The following MYRIP variants were observed in gnomAD, a reference collection of about 807,000 sequenced individuals.
The protein encoded by MYRIP is rab effector MyRIP.
Under a neutral mutation model 98.0 loss-of-function variants are expected in MYRIP, and 49 were observed. That is an observed-to-expected ratio of 0.50 (90% CI 0.40 to 0.63). The LOEUF is 0.63. MYRIP is among the 30% of genes least tolerant of loss of function. The pLI, the probability that MYRIP is intolerant of heterozygous loss-of-function variation, is 0.00. For missense variants in MYRIP, 1,004 were observed against 1,058.2 expected (o/e 0.95, Z 0.71); for synonymous variants, 404 against 409.5 (o/e 0.99, Z 0.16).
rs558245538 is a variant in MYRIP at position 40,116,475 on chromosome 3, T to C, written c.333-34573T>C. Among the ~76,000 whole-genome samples the C allele has an allele frequency of 3.9e-5, 6 of 152,342 alleles. No homozygotes were observed. In the East Asian group the frequency reaches 1.2e-3, roughly 29 times the overall value. On this transcript the variant is annotated intron_variant, in intron 3 of 16. Transcript: ENST00000302541. The stretch of plus-strand genomic sequence containing the variant: ...ATTTATGTATTTGTTTATCTCTCTT[T>C]CATTTTCCCTTGTCCCTGAGAGTAG...
chr3:40,174,665 TA>T (rs140793347), intron 8 of MYRIP: 11,375 of 152,252 alleles, frequency 0.075, 851 homozygotes, highest in African/African-American at 0.18. Context: ...ACAAGTCTAT[TA>T]GTGGGGTTTT....
At chr3:39,991,702 C>T (rs1188165033) in intron 2 of MYRIP, among the ~76,000 whole-genome samples, 1 of 152,224 alleles carries the variant, frequency 6.6e-6, no homozygotes, top group Non-Finnish European at 1.5e-5. Flanking sequence ...CACCTTCTCA[C>T]TCTGACCACC....
At chr3:40,227,242 T>C (rs531446992) in intron 11 of MYRIP, among the ~76,000 whole-genome samples, 1 of 152,318 alleles carries the variant, frequency 6.6e-6, no homozygotes, top group South Asian at 2.1e-4. Flanking sequence ...TTGATGATGT[T>C]TGAGGGCCTG....
chr3:40,058,330 T>C (rs1280350131), intron 3 of MYRIP, among the ~76,000 whole-genome samples: 1 of 152,208 alleles, frequency 6.6e-6, no homozygotes, highest in African/African-American at 2.4e-5. Flanking sequence ...TGTGTATTAC[T>C]TTAAGTTTTG....
chr3:40,137,952 T>A (rs1188993653), intron 3 of MYRIP, among the ~76,000 whole-genome samples: 2 of 152,204 alleles, frequency 1.3e-5, no homozygotes, highest in Non-Finnish European at 2.9e-5. Context: ...TGGTCATACA[T>A]CTATGTCATA....
intron 1 of MYRIP, among the ~76,000 whole-genome samples, chr3:39,873,639 A>C (rs1008400325): frequency 1.3e-5 from 2 of 152,154 alleles, no homozygotes; most frequent in Non-Finnish European, 1.5e-5. Context: ...GTCAAAGATC[A>C]GATAGTTGTA....
chr3:40,006,017 G>T (rs1032674725), intron 2 of MYRIP, among the ~76,000 whole-genome samples: 2 of 152,110 alleles, frequency 1.3e-5, no homozygotes, highest in African/African-American at 2.4e-5. Context: ...GTTAATATTG[G>T]TACAAGGAGC....
chr3:39,998,952 G>A (rs539247486), intron 2 of MYRIP, among the ~76,000 whole-genome samples: 1 of 152,174 alleles, frequency 6.6e-6, no homozygotes, highest in Admixed American at 6.5e-5. Flanking sequence ...AATAAATGGG[G>A]CTGGGAAAAC....
chr3:39,959,767 A>G (rs1189761858), intron 2 of MYRIP, among the ~76,000 whole-genome samples: 1 of 152,168 alleles, frequency 6.6e-6, no homozygotes, highest in East Asian at 1.9e-4. Context: ...AGTTTTAAGT[A>G]TCAATTCAAT....
At chr3:39,917,041 A>C (rs949144890) in intron 2 of MYRIP, among the ~76,000 whole-genome samples, 2 of 152,192 alleles carry the variant, frequency 1.3e-5, no homozygotes, top group South Asian at 4.1e-4. Flanking sequence ...GCAATTGACT[A>C]AGTAACTGGT....
intron 3 of MYRIP, among the ~76,000 whole-genome samples, chr3:40,120,300 T>G (rs1949374302): frequency 1.3e-5 from 2 of 152,352 alleles, no homozygotes; most frequent in South Asian, 2.1e-4. Flanking sequence ...TCAGATCATC[T>G]TCTTGTTCCA....
At chr3:40,175,223 G>A (rs567117997) in intron 8 of MYRIP, among the ~76,000 whole-genome samples, 9 of 152,314 alleles carry the variant, frequency 5.9e-5, no homozygotes, top group African/African-American at 2.2e-4. Flanking sequence ...ATTGAGTCTT[G>A]ATTCGTTGGA....
At chr3:40,257,268 G>A (rs1953625570) in intron 16 of MYRIP, among the ~76,000 whole-genome samples, 1 of 152,184 alleles carries the variant, frequency 6.6e-6, no homozygotes, top group Non-Finnish European at 1.5e-5. Context: ...GTTGCAGTGA[G>A]CTATGATTGC....
chr3:39,948,382 T>A (rs1559532725), intron 2 of MYRIP, among the ~76,000 whole-genome samples: 1 of 152,104 alleles, frequency 6.6e-6, no homozygotes, highest in Non-Finnish European at 1.5e-5. Flanking sequence ...GAACCAGGAC[T>A]GTAAAATATA....
In MYRIP at chr3:40,250,119, T is replaced by A. The variant is rs1296474019; in HGVS notation, c.2263-103T>A. The A allele has an allele frequency of 6.8e-6, 6 of 876,164 alleles. No homozygotes were observed. The South Asian group carries it at 9.5e-5, about 14-fold the overall frequency. The allele number at this position is 876,164 out of a possible 1,614,324, so 54.3% of individuals were successfully genotyped here. A position where few individuals can be genotyped will look rare whatever the true frequency, so the allele number is the denominator to read the frequency against. Reference sequence around the variant, plus strand: ...GAATGAATGAATGAATGAATGAGCATACATCAAAGCAGATTTGTCTTTATA... The same window carrying A: ...GAATGAATGAATGAATGAATGAGCAAACATCAAAGCAGATTTGTCTTTATA... On this transcript the variant is annotated intron_variant, in intron 13 of 16. Transcript: ENST00000302541.
In MYRIP at chr3:40,212,250, A is replaced by G. The variant is rs1277982036; in HGVS notation, c.1905+2157A>G. 2.6e-5 allele frequency among the ~76,000 whole-genome samples: 3 copies of G among 114,818 alleles called. 1 individual carries two copies. The highest frequency in any genetic ancestry group is 6.1e-5 in the Non-Finnish European group (3 of 49,428). 75.3% of individuals were successfully genotyped at this position (114,818 alleles called of 152,430 possible). On this transcript the variant is annotated intron_variant, in intron 11 of 16. Transcript: ENST00000302541. ...TACACACACACACACACACACATATATATATATACACGTATATATATAGAG... is the reference window on the plus strand; with the variant it reads ...TACACACACACACACACACACATATGTATATATACACGTATATATATAGAG...
At chr3:40,243,550 G>A (rs560010882) in intron 12 of MYRIP, among the ~76,000 whole-genome samples, 1 of 152,222 alleles carries the variant, frequency 6.6e-6, no homozygotes, top group South Asian at 2.1e-4. Flanking sequence ...GTGATTACAG[G>A]TTTAGGATTT....
intron 2 of MYRIP, among the ~76,000 whole-genome samples, chr3:39,998,969 G>A (rs556467995): frequency 6.6e-6 from 1 of 152,322 alleles, no homozygotes; most frequent in South Asian, 2.1e-4. Context: ...AAACTGGCTA[G>A]CCACATGTAG....
rs551237929 is a variant in MYRIP at position 39,830,045 on chromosome 3, C to T, written c.-31+20129C>T. Among the ~76,000 whole-genome samples, 13 of 152,294 alleles carry T rather than the reference C, an allele frequency of 8.5e-5. No individual in the cohort carries two copies. In the South Asian group the frequency reaches 2.7e-3, roughly 32 times the overall value. On this transcript the variant is annotated intron_variant, in intron 1 of 16. Transcript: ENST00000302541. ...GTTTCCTGCTTATGTTCTCTGACAA[C>T]CAATCTTCAATTTCTAACCCTCTCT...
Sources: allele counts gnomAD v4.1 joint callset (sites outside exome capture counted in the v4.1 genomes callset), GRCh38; gene constraint gnomAD v4.1.1; transcripts MANE v1.5; gene names NCBI Gene and HGNC (gene_info 2026-07-23, HGNC 2026-07-21).